The following FGF14 variants were observed in gnomAD, a reference collection of about 807,000 sequenced individuals.
FGF14 encodes the protein fibroblast growth factor 14.
In FGF14, 5 loss-of-function variants were observed where a neutral mutation model predicts 25.5. That is an observed-to-expected ratio of 0.20 (90% CI 0.10 to 0.41). The LOEUF (loss-of-function observed/expected upper bound fraction) is 0.41. Among genes scored for constraint, FGF14 ranks in the 10% least tolerant of loss-of-function variants. FGF14 has a pLI of 1.00. For synonymous variants in FGF14, 138 were observed against 118.3 expected (o/e 1.17, Z -1.08); for missense variants, 222 against 320.1 (o/e 0.69, Z 2.34).
rs776801515 is a variant in FGF14 at position 101,877,241 on chromosome 13, G to GT, written c.194-1946dup. Among the ~76,000 whole-genome samples the GT allele has an allele frequency of 1.6e-4, 25 of 152,166 alleles. No individual in the cohort carries two copies. The South Asian group carries it at 1.9e-3, about 11-fold the overall frequency. ...GAGCACAAATAAAATGTAAAATTAT[G>GT]TTTTTCTCCTTTAACTTCGAGAAAA... On this transcript the variant is annotated intron_variant, in intron 1 of 4. Coordinates refer to ENST00000376143, the MANE Select transcript of FGF14 (RefSeq NM_004115.4).
intron 1 of FGF14, among the ~76,000 whole-genome samples, chr13:102,207,625 A>AAC (rs2049987500): frequency 3.1e-5 from 1 of 32,602 alleles, no homozygotes; most frequent in African/African-American, 1.3e-4. Flanking sequence ...AGTTTTCATT[A>AAC]AAAAAAAAAA....
chr13:101,861,210 C>A (rs962489933), intron 3 of FGF14, among the ~76,000 whole-genome samples: 19 of 151,996 alleles, frequency 1.3e-4, no homozygotes, highest in Non-Finnish European at 2.8e-4. Flanking sequence ...CCAAGACAGC[C>A]CTGAGATGTG....
At chr13:102,274,613 TATATA>T (rs1230313900) in intron 1 of FGF14, among the ~76,000 whole-genome samples, 8 of 152,112 alleles carry the variant, frequency 5.3e-5, no homozygotes, top group Admixed American at 6.6e-5. Context: ...AACACTCATA[TATATA>T]ATATATTTTT....
intron 3 of FGF14, among the ~76,000 whole-genome samples, chr13:101,787,906 T>C (rs1028645090): frequency 2.6e-5 from 4 of 152,126 alleles, no homozygotes; most frequent in Non-Finnish European, 5.9e-5. Context: ...AGTTTAGCTC[T>C]TATTGCCCAG....
At chr13:101,966,136 A>G (rs1042596484) in intron 1 of FGF14, among the ~76,000 whole-genome samples, 2 of 152,200 alleles carry the variant, frequency 1.3e-5, no homozygotes. Context: ...ATTTTCTCAG[A>G]CTGTAAGCTT....
intron 1 of FGF14, among the ~76,000 whole-genome samples, chr13:102,294,755 T>C (rs17589972): frequency 0.18 from 26,702 of 152,088 alleles, 2,452 homozygotes; most frequent in Non-Finnish European, 0.21. Context: ...TTTTCCCTAG[T>C]CTATATAGTT....
At chr13:102,389,198 A>G (rs2058376069) in intron 1 of FGF14, among the ~76,000 whole-genome samples, 1 of 151,954 alleles carries the variant, frequency 6.6e-6, no homozygotes, top group African/African-American at 2.4e-5. Context: ...TAGTTTTATT[A>G]CTTGTGGGTC....
chr13:102,207,459 T>TA (rs1341051111), intron 1 of FGF14, among the ~76,000 whole-genome samples: 1 of 151,480 alleles, frequency 6.6e-6, no homozygotes, highest in African/African-American at 2.4e-5. Flanking sequence ...GCCATATTTA[T>TA]AAACAAGCAA....
At chr13:101,730,013 G>A (rs1274604214) in intron 3 of FGF14, among the ~76,000 whole-genome samples, 1 of 152,170 alleles carries the variant, frequency 6.6e-6, no homozygotes, top group African/African-American at 2.4e-5. Flanking sequence ...TGAGATACAC[G>A]CTTTGTGGGA....
At chr13:102,282,140 C>T (rs1207017337) in intron 1 of FGF14, among the ~76,000 whole-genome samples, 4 of 151,454 alleles carry the variant, frequency 2.6e-5, no homozygotes, top group African/African-American at 7.3e-5. Context: ...GATCTCGGCT[C>T]ACCGCAACCT....
At chr13:102,389,825 C>T (rs2058390491) in intron 1 of FGF14, among the ~76,000 whole-genome samples, 1 of 152,198 alleles carries the variant, frequency 6.6e-6, no homozygotes, top group Admixed American at 6.5e-5. Flanking sequence ...CTGACAACCA[C>T]ATGAAGCTCA....
chr13:101,746,665 C>T (rs2036912144), intron 3 of FGF14, among the ~76,000 whole-genome samples: 1 of 151,908 alleles, frequency 6.6e-6, no homozygotes, highest in Admixed American at 6.6e-5. Flanking sequence ...GTGTGATGAT[C>T]AACAGTAGGT....
chr13:102,030,477 T>C lies in FGF14; in HGVS notation c.209-155181A>G, dbSNP rs1298074373. Among the ~76,000 whole-genome samples the C allele has an allele frequency of 2.0e-5, 3 of 152,088 alleles. No individual in the cohort carries two copies. The East Asian group carries it at 5.8e-4, about 30-fold the overall frequency. ...AACCAAGGCACAGGAAAAGGTCAAG[T>C]TCTTGAGACAGTCACCAGGCAATGA... On this transcript the variant is annotated intron_variant, in intron 1 of 4. Transcript: ENST00000376131.
chr13:102,058,848 C>G (rs534990928), intron 1 of FGF14, among the ~76,000 whole-genome samples: 2 of 151,736 alleles, frequency 1.3e-5, no homozygotes, highest in Admixed American at 6.6e-5. Flanking sequence ...CATGTTGTTT[C>G]TAGTTGCCAT....
At chr13:101,983,800 G>A (rs1485138061) in intron 1 of FGF14, among the ~76,000 whole-genome samples, 2 of 152,124 alleles carry the variant, frequency 1.3e-5, no homozygotes, top group African/African-American at 4.8e-5. Flanking sequence ...AATAAGATAA[G>A]GCCTTGGGTC....
At chr13:102,003,579 C>T (rs546191665) in intron 1 of FGF14, among the ~76,000 whole-genome samples, 3 of 151,958 alleles carry the variant, frequency 2.0e-5, no homozygotes, top group East Asian at 3.9e-4. Context: ...GATGTTGTGA[C>T]CAAGTATATG....
At chr13:101,846,601 G>A (rs914172925) in intron 3 of FGF14, among the ~76,000 whole-genome samples, 3 of 152,020 alleles carry the variant, frequency 2.0e-5, no homozygotes, top group African/African-American at 7.2e-5. Flanking sequence ...CACATAGGAT[G>A]ACCTCAGCAC....
intron 3 of FGF14, among the ~76,000 whole-genome samples, chr13:101,825,141 G>A (rs1032738756): frequency 3.9e-5 from 6 of 152,188 alleles, no homozygotes; most frequent in African/African-American, 1.2e-4. Context: ...ACAGCTGGTC[G>A]GTCAGCAGTT....
intron 3 of FGF14, among the ~76,000 whole-genome samples, chr13:101,733,591 C>CA (rs553475621): frequency 0.023 from 2,194 of 97,266 alleles, 41 homozygotes; most frequent in African/African-American, 0.049. Flanking sequence ...AAGACTCCAT[C>CA]AAAAAAAAAA....
Sources: allele counts gnomAD v4.1 joint callset (sites outside exome capture counted in the v4.1 genomes callset), GRCh38; gene constraint gnomAD v4.1.1; transcripts MANE v1.5; gene names NCBI Gene and HGNC (gene_info 2026-07-23, HGNC 2026-07-21).